The following FANCD2 variants were observed in gnomAD, a reference collection of about 807,000 sequenced individuals.
FANCD2 encodes Fanconi anemia group D2 protein.
FANCD2 carries 131 observed loss-of-function variants against 192.3 expected under a neutral mutation model. The observed-to-expected ratio is 0.68, with a 90% CI of 0.59 to 0.79. FANCD2 has a LOEUF of 0.79. Ranked by LOEUF, FANCD2 falls within the 30% of genes least tolerant of loss-of-function variation. The pLI is 0.00. For synonymous variants in FANCD2, 524 were observed against 612.5 expected, an observed-to-expected ratio of 0.86 and a Z score of 2.13; for missense variants, 1,508 against 1,701.6, an observed-to-expected ratio of 0.89 and a Z score of 2.00.
At chr3:10,034,868 G>T (rs1243081580) in intron 5 of FANCD2, 70 bp downstream of exon 5, 1 of 1,106,140 alleles carries the variant, frequency 9.0e-7, no homozygotes, top group Non-Finnish European at 1.3e-6. Context: ...GCTGGGGAGG[G>T]AGAGCACAGT....
Position 10,088,472 on chromosome 3 carries a change from T to A in FANCD2, c.3490T>A (p.Cys1164Ser). 6.2e-7 allele frequency: 1 copy of A among 1,611,040 alleles called. No individual in the cohort carries two copies. Among genetic ancestry groups the A allele is most frequent in the Non-Finnish European group, 8.5e-7 (1 of 1,177,160 alleles). Residue 1164 changes from cysteine (C) to serine (S), a missense_variant, in exon 35 of 44, where the codon TGT (cysteine) becomes AGT (serine). Cys to Ser is a moderately radical substitution (Grantham distance 112, BLOSUM62 -1). Transcript: ENST00000675286. The part of the protein sequence containing the change: ...KIASLARQFL[C>S]RVWPSGDKEK... ...AGCTTCCCTTGCCAGACAATTCCTC[T>A]GTCGGGTGTGGCCAAGTGGGGATAA...
Position 10,077,537 on chromosome 3 carries a change from G to A in FANCD2, c.2860-544G>A, listed in dbSNP as rs1222647529. On this transcript the variant is annotated intron_variant, in intron 29 of 43. Transcript: ENST00000675286. ...GCCACTGCCCTCCAGCCTGGGTGAC[G>A]GAACAAGACTCTGTCTCAAAAAAAA... Among the ~76,000 whole-genome samples, 3 of 151,394 alleles carry A rather than the reference G, an allele frequency of 2.0e-5. No homozygotes were observed. In the South Asian group the frequency reaches 6.2e-4, roughly 32 times the overall value.
intron 2 of FANCD2, among the ~76,000 whole-genome samples, chr3:10,030,581 T>C (rs2086567141): frequency 6.6e-6 from 1 of 152,130 alleles, no homozygotes; most frequent in African/African-American, 2.4e-5. Context: ...TCCAAAACCA[T>C]GTAAGGAATA....
intron 33 of FANCD2, 128 bp downstream of exon 33, chr3:10,086,050 C>T: frequency 4.2e-6 from 3 of 707,620 alleles, no homozygotes; most frequent in South Asian, 1.5e-5. Context: ...AGCTACTCTC[C>T]TCATATATGA....
At chr3:10,036,898 C>T (rs538165192) in intron 7 of FANCD2, among the ~76,000 whole-genome samples, 43 of 152,150 alleles carry the variant, frequency 2.8e-4, no homozygotes, top group Admixed American at 9.2e-4. Context: ...TGCCGTAGTA[C>T]GATCATGGCT....
At chr3:10,039,943 T>G in intron 9 of FANCD2, 98 bp downstream of exon 9, 2 of 1,430,366 alleles carry the variant, frequency 1.4e-6, no homozygotes, top group Middle Eastern at 2.3e-4. Flanking sequence ...CTCTTCTATC[T>G]AAAAAGAGGA....
chr3:10,086,588 T>G lies in FANCD2; in HGVS notation c.3336-546T>G, dbSNP rs554618594. 6.6e-5 allele frequency among the ~76,000 whole-genome samples: 10 copies of G among 152,290 alleles called. 1 individual carries two copies. In the South Asian group the frequency reaches 8.3e-4, roughly 13 times the overall value. ...CCTCCACCTCCTGGGCTCAAGTGAT[T>G]GTACTGCCTCAGCCTCCCAAGACGC... On this transcript the variant is annotated intron_variant, in intron 33 of 43. Coordinates refer to ENST00000675286, the MANE Select transcript of FANCD2 (RefSeq NM_001018115.3).
chr3:10,059,449 A>G (rs965704782), intron 18 of FANCD2, among the ~76,000 whole-genome samples: 41 of 152,338 alleles, frequency 2.7e-4, no homozygotes, highest in Admixed American at 1.2e-3. Flanking sequence ...TTGAATGTCT[A>G]TCATGTGCTA....
At position 10,090,371 on chromosome 3, in the gene FANCD2, G is replaced by T; in HGVS notation, c.3763G>T (p.Ala1255Ser). The change falls in exon 37 of 44, where the codon GCA becomes TCA. Residue 1255 changes from alanine to serine, a missense_variant. By Grantham distance (99) the Ala-to-Ser change is moderately conservative. This residue lies in a region of FANCD2 where 796 missense variants were observed against 879.4 expected (regional missense o/e 0.91). Transcript: ENST00000675286. ...TVKKIEPGTA[A>S]DSQQIHEEKL... is the part of the protein sequence containing the mutation. ...GAAAAAAATTGAGCCTGGCACAGCA[G>T]CAGACTCGCAGCAGGTGAGTAAGAT... is the stretch of plus-strand genomic sequence containing the variant. The T allele has an allele frequency of 6.2e-7, 1 of 1,605,142 alleles. No individual in the cohort carries two copies. The highest frequency in any genetic ancestry group is 8.5e-7 in the Non-Finnish European group (1 of 1,175,148).
intron 2 of FANCD2, 39 bp downstream of exon 2, chr3:10,028,760 A>G: frequency 6.6e-7 from 1 of 1,526,202 alleles, no homozygotes; most frequent in Non-Finnish European, 9.1e-7. Context: ...TTCCTGTAGC[A>G]ATGTGTGAGG....
chr3:10,068,102 C>G (rs1392664593), intron 26 of FANCD2, among the ~76,000 whole-genome samples: 1 of 151,910 alleles, frequency 6.6e-6, no homozygotes, highest in East Asian at 1.9e-4. Context: ...TATATAATAC[C>G]ACTATTATAA....
chr3:10,094,455 C>T, intron 40 of FANCD2, 92 bp downstream of exon 40: 2 of 1,055,574 alleles, frequency 1.9e-6, no homozygotes, highest in South Asian at 2.5e-5. Context: ...TGGGAGTGTT[C>T]TACCTGGGCT....
chr3:10,051,998 C>T (rs764801338), intron 17 of FANCD2, among the ~76,000 whole-genome samples: 8 of 151,228 alleles, frequency 5.3e-5, no homozygotes, highest in African/African-American at 1.9e-4. Flanking sequence ...ATTGTTTTCA[C>T]TGAAAAAAAA....
intron 7 of FANCD2, among the ~76,000 whole-genome samples, chr3:10,036,891 C>T (rs1359999175): frequency 1.3e-5 from 2 of 151,732 alleles, no homozygotes; most frequent in African/African-American, 2.4e-5. Flanking sequence ...GCTGGAGTGC[C>T]GTAGTACGAT....
intron 1 of FANCD2, among the ~76,000 whole-genome samples, chr3:10,028,173 A>G (rs192827475): frequency 8.5e-5 from 13 of 152,186 alleles, no homozygotes; most frequent in African/African-American, 2.9e-4. Flanking sequence ...CTGTACTTTT[A>G]TAGCACTTAC....
chr3:10,035,330 T>G, intron 6 of FANCD2, 97 bp downstream of exon 6: 5 of 1,087,970 alleles, frequency 4.6e-6, no homozygotes, highest in Non-Finnish European at 7.1e-6. Context: ...GTAGGGTTAA[T>G]TGGAGAATTT....
intron 32 of FANCD2, among the ~76,000 whole-genome samples, chr3:10,081,970 G>A (rs899752790): frequency 1.1e-4 from 16 of 152,278 alleles, no homozygotes; most frequent in African/African-American, 3.9e-4. Context: ...TGGGCTCTCT[G>A]TTCTCATTAT....
At chr3:10,071,178 G>A (rs4019706) in intron 26 of FANCD2, among the ~76,000 whole-genome samples, 35,088 of 149,982 alleles carry the variant, frequency 0.23, 5,451 homozygotes, top group African/African-American at 0.45. Context: ...TTTATCCAAA[G>A]GACAGGCAAT....
intron 26 of FANCD2, among the ~76,000 whole-genome samples, chr3:10,068,424 A>G (rs2087779602): frequency 6.6e-6 from 1 of 152,232 alleles, no homozygotes; most frequent in South Asian, 2.1e-4. Flanking sequence ...TAAAATAGGA[A>G]TAAGCTTAAC....
Sources: gnomAD v4.1 joint callset for allele counts (sites outside exome capture counted in the v4.1 genomes callset) on GRCh38, gnomAD v4.1.1 for gene constraint, gnomAD v4.1.1 regional missense constraint, MANE v1.5 for transcripts, NCBI Gene and HGNC (gene_info 2026-07-23, HGNC 2026-07-21) for gene names.